ATP2B3: variants seen among roughly 807,000 people sequenced by gnomAD.
The protein encoded by ATP2B3 is ATPase plasma membrane Ca2+ transporting 3, also known as plasma membrane calcium-transporting ATPase 3.
Under a neutral mutation model 70.8 loss-of-function variants are expected in ATP2B3, and 12 were observed. The observed-to-expected ratio is 0.17, with a 90% confidence interval of 0.11 to 0.27. The LOEUF is 0.27. Ranked by LOEUF, ATP2B3 falls within the 10% of genes least tolerant of loss-of-function variation. The pLI is 1.00. For synonymous variants in ATP2B3, 460 were observed against 497.8 expected (o/e 0.92, Z 1.01); for missense variants, 858 against 1,118.5 (o/e 0.77, Z 3.32).
In ATP2B3 at chrX:153,565,110, C is replaced by A; in HGVS notation, c.3342+7C>A. 8.5e-7 allele frequency: 1 copy of A among 1,171,224 alleles called. No individual in the cohort carries two copies. Among genetic ancestry groups the A allele is most frequent in the Non-Finnish European group, 1.1e-6 (1 of 874,902 alleles). On this transcript the variant is annotated splice_region_variant and intron_variant, in intron 21 of 21. Transcript: ENST00000263519. ...GAACCGGATTCAGACGCAGGTAAGCCCCGACTCGCTCTCGCCCTGGCACTT... is the reference window on the plus strand; with the variant it reads ...GAACCGGATTCAGACGCAGGTAAGCACCGACTCGCTCTCGCCCTGGCACTT...
intron 21 of ATP2B3, among the ~76,000 whole-genome samples, chrX:153,576,840 G>T (rs1382336090): frequency 8.9e-6 from 1 of 112,137 alleles, no homozygotes; most frequent in African/African-American, 3.2e-5. Context: ...GCCTCTCTTA[G>T]AAACGTTTGT....
At chrX:153,567,121 G>A (rs1457828132) in intron 21 of ATP2B3, among the ~76,000 whole-genome samples, 1 of 112,897 alleles carries the variant, frequency 8.9e-6, no homozygotes, top group Non-Finnish European at 1.9e-5. Flanking sequence ...GAGAGCCCCG[G>A]TGAGGAAGGG....
chrX:153,525,341 G>A (rs1372674906), intron 2 of ATP2B3, among the ~76,000 whole-genome samples: 2 of 112,392 alleles, frequency 1.8e-5, no homozygotes, highest in Non-Finnish European at 3.8e-5. Flanking sequence ...TTGCGGGCCA[G>A]GGGTGTGATG....
chrX:153,560,777 C>G lies in ATP2B3; in HGVS notation c.2941C>G (p.Leu981Val). ...IIFNTFVMMQLFNEINARKIH... is the reference protein window; with the variant it reads ...IIFNTFVMMQVFNEINARKIH... ...CTTCAACACGTTCGTCATGATGCAGCTCTTTAACGAGATCAACGCCCGCAA... is the reference window on the plus strand; with the variant it reads ...CTTCAACACGTTCGTCATGATGCAGGTCTTTAACGAGATCAACGCCCGCAA... The change falls in exon 19 of 22, where the codon CTC becomes GTC. Residue 981 changes from leucine (L) to valine (V), a missense_variant. Coordinates refer to ENST00000263519, the MANE Select transcript of ATP2B3 (RefSeq NM_001001344.3). 8.3e-7 allele frequency: 1 copy of G among 1,212,029 alleles called. No individual in the cohort carries two copies. The highest frequency in any genetic ancestry group is 1.1e-6 in the Non-Finnish European group (1 of 895,605).
intron 17 of ATP2B3, chrX:153,559,157 C>T (rs2090586697): frequency 8.8e-6 from 1 of 113,224 alleles, no homozygotes; most frequent in African/African-American, 3.3e-5. Context: ...TCTCATCACC[C>T]CAAAAGGACA....
chrX:153,527,906 T>A (rs1438522062), intron 2 of ATP2B3, among the ~76,000 whole-genome samples: 1 of 112,204 alleles, frequency 8.9e-6, no homozygotes, highest in Non-Finnish European at 1.9e-5. Flanking sequence ...TTCCTGGAGA[T>A]CTCCTGGGCT....
intron 2 of ATP2B3, among the ~76,000 whole-genome samples, chrX:153,535,586 C>G (rs1305564275): frequency 9.0e-6 from 1 of 111,184 alleles, no homozygotes; most frequent in African/African-American, 3.3e-5. Flanking sequence ...CAGGTACTCT[C>G]AGGGCCACAG....
intron 20 of ATP2B3, among the ~76,000 whole-genome samples, chrX:153,563,011 G>A (rs1260713590): frequency 9.0e-6 from 1 of 111,087 alleles, no homozygotes; most frequent in Non-Finnish European, 1.9e-5. Context: ...TAGGATCAGG[G>A]CCCCACCTTG....
chrX:153,540,147 C>T (rs2090258369), intron 3 of ATP2B3, among the ~76,000 whole-genome samples: 1 of 112,587 alleles, frequency 8.9e-6, no homozygotes, highest in Non-Finnish European at 1.9e-5. Context: ...CTGTCCTGAC[C>T]TGGGCCACAG....
intron 12 of ATP2B3, among the ~76,000 whole-genome samples, chrX:153,550,585 T>C (rs1181427058): frequency 4.5e-5 from 5 of 112,089 alleles, no homozygotes; most frequent in Non-Finnish European, 9.4e-5. Flanking sequence ...AAGGGACTCA[T>C]ACACTGTGTG....
At chrX:153,560,417 G>C (rs782132296) in intron 18 of ATP2B3, among the ~76,000 whole-genome samples, 2 of 111,733 alleles carry the variant, frequency 1.8e-5, no homozygotes, top group Admixed American at 9.4e-5. Flanking sequence ...AGGAAAGCCA[G>C]CCTTAAGAAC....
chrX:153,553,357 A>G, intron 13 of ATP2B3, 88 bp downstream of exon 13: 2 of 816,759 alleles, frequency 2.4e-6, no homozygotes, highest in Non-Finnish European at 3.5e-6. Context: ...CTTCCTTCAC[A>G]CACAGCTGCT....
chrX:153,569,970 A>T, intron 21 of ATP2B3: 2 of 400,188 alleles, frequency 5.0e-6, no homozygotes, highest in Non-Finnish European at 8.4e-6. Flanking sequence ...GCACTTCCGG[A>T]CCTCCCGTTC....
chrX:153,556,835 C>T (rs782197806), intron 15 of ATP2B3, 82 bp from the exon 16 acceptor site: 250 of 1,007,066 alleles, frequency 2.5e-4, no homozygotes, highest in Non-Finnish European at 3.2e-4. Context: ...GCCAACCTAC[C>T]CCCATAGCTC....
chrX:153,526,454 TTGG>T (rs782549127), intron 2 of ATP2B3, among the ~76,000 whole-genome samples: 1 of 111,715 alleles, frequency 9.0e-6, no homozygotes, highest in East Asian at 2.8e-4. Context: ...CGGCAGGAAC[TTGG>T]TGGTGCTTCC....
chrX:153,576,735 G>A (rs1221496624), intron 21 of ATP2B3, among the ~76,000 whole-genome samples: 7 of 111,642 alleles, frequency 6.3e-5, no homozygotes, highest in East Asian at 2.8e-4. Flanking sequence ...AGCAGGAGGC[G>A]GTGCAGGAGC....
At position 153,536,197 on chromosome X, in the gene ATP2B3, C is replaced by T. The variant is rs1557003777; in HGVS notation, c.-51C>T. The T allele has an allele frequency of 2.6e-6, 3 of 1,161,174 alleles. No homozygotes were observed. In the South Asian group the frequency reaches 5.7e-5, roughly 22 times the overall value. ...TGGGACCGTGGGTGGCCGCCTGTCC[C>T]TAGCTGTGGCTGAGCCAAGATTGCA... On this transcript the variant is annotated 5_prime_UTR_variant, in exon 3 of 22. Coordinates refer to ENST00000263519, the MANE Select transcript of ATP2B3 (RefSeq NM_001001344.3).
chrX:153,547,957 C>T lies in ATP2B3; in HGVS notation c.1081C>T (p.Gln361Ter). 1 of 1,210,275 alleles carries T rather than the reference C, an allele frequency of 8.3e-7. No individual in the cohort carries two copies. Among genetic ancestry groups the T allele is most frequent in the Non-Finnish European group, 1.1e-6 (1 of 894,696 alleles). ...ACCCAAAAAGGAGAAGTCTGTCCTT[C>T]AGGGGAAGCTCACAAAGCTAGCCGT... ...NAPKKEKSVL[Q>*]GKLTKLAVQI... is the part of the protein sequence containing the mutation. The change falls in exon 9 of 22, where the codon CAG (glutamine) becomes TAG (stop). Residue 361 changes from glutamine (Q) to a stop codon, truncating the protein, a stop_gained. Coordinates refer to ENST00000263519, the MANE Select transcript of ATP2B3 (RefSeq NM_001001344.3). LOFTEE classifies it high-confidence loss of function.
chrX:153,528,374 A>G (rs1265381895), intron 2 of ATP2B3, among the ~76,000 whole-genome samples: 1 of 111,703 alleles, frequency 9.0e-6, no homozygotes, highest in Non-Finnish European at 1.9e-5. Flanking sequence ...CTGCTGGCAG[A>G]GTGATAGTCA....
Sources: allele counts gnomAD v4.1 joint callset (sites outside exome capture counted in the v4.1 genomes callset), GRCh38; gene constraint gnomAD v4.1.1; transcripts MANE v1.5; gene names NCBI Gene and HGNC (gene_info 2026-07-23, HGNC 2026-07-21).